The following SLC2A4 variants were observed in gnomAD, a reference collection of about 807,000 sequenced individuals.
SLC2A4 encodes the protein solute carrier family 2 member 4.
SLC2A4 carries 31 observed loss-of-function variants against 53.3 expected under a neutral mutation model. The observed-to-expected ratio is 0.58, with a 90% CI of 0.44 to 0.78. The LOEUF (loss-of-function observed/expected upper bound fraction) is 0.78. Ranked by LOEUF, SLC2A4 falls within the 30% of genes least tolerant of loss-of-function variation. SLC2A4 has a pLI of 0.00. For missense variants in SLC2A4, 538 were observed against 655.7 expected (o/e 0.82, Z 1.96); for synonymous variants, 276 against 281.9 (o/e 0.98, Z 0.21).
chr17:7,285,232 G>C lies in SLC2A4; in HGVS notation c.1122+43G>C. 1.3e-6 allele frequency: 2 copies of C among 1,489,716 alleles called. No homozygotes were observed. Among genetic ancestry groups the C allele is most frequent in the East Asian group, 4.7e-5 (2 of 42,756 alleles). 92.3% of individuals were successfully genotyped at this position (1,489,716 alleles called of 1,614,324 possible). A position where few individuals can be genotyped will look rare whatever the true frequency, so the allele number is the denominator to read the frequency against. On this transcript the variant is annotated intron_variant, in intron 9 of 10. Coordinates refer to ENST00000317370, the MANE Select transcript of SLC2A4 (RefSeq NM_001042.3). The surrounding 1 kb of genome is among the most constrained non-coding windows in gnomAD (Gnocchi z 6.0). ...GGAGGGGCTAGCAGCCCACCCCATG[G>C]GAATGGTCCTGTGAGTCTCTGTGAC...
rs1302349774 is a variant in SLC2A4 at position 7,286,568 on chromosome 17, T to C, written c.1469T>C (p.Leu490Ser). ...SAAFHRTPSL[L>S]EQEVKPSTEL... ...GCCTTCCACCGGACACCCTCTCTTT[T>C]AGAGCAGGAGGTGAAACCCAGCACA... Residue 490 changes from leucine to serine, a missense_variant, in exon 11 of 11, where the codon TTA becomes TCA. Physicochemically the swap from Leu to Ser is moderately radical, Grantham distance 145. Coordinates refer to ENST00000317370, the MANE Select transcript of SLC2A4 (RefSeq NM_001042.3). 12 of 1,614,158 alleles carry C rather than the reference T, an allele frequency of 7.4e-6. No individual in the cohort carries two copies. The highest frequency in any genetic ancestry group is 1.0e-5 in the Non-Finnish European group (12 of 1,180,024).
chr17:7,286,916 C>T lies in SLC2A4; in HGVS notation c.*287C>T. 1 of 424,888 alleles carries T rather than the reference C, an allele frequency of 2.4e-6. No homozygotes were observed. Among genetic ancestry groups the T allele is most frequent in the South Asian group, 2.1e-5 (1 of 46,654 alleles). 26.3% of individuals were successfully genotyped at this position (424,888 alleles called of 1,614,324 possible). On this transcript the variant is annotated 3_prime_UTR_variant, in exon 11 of 11. Coordinates refer to ENST00000317370, the MANE Select transcript of SLC2A4 (RefSeq NM_001042.3). ...CCATCCCCTTTCCTCCCCACCTTCC[C>T]CAGACTCAGCTCCAGAATACCTTCT... is the stretch of plus-strand genomic sequence containing the variant.
rs1362782572 is a variant in SLC2A4, at chr17:7,285,107, C to CG, written c.1044dup (p.Arg349AlafsTer48). On this transcript the variant is annotated frameshift_variant, in exon 9 of 11. Transcript: ENST00000317370. LOFTEE classifies it high-confidence loss of function. The surrounding 1 kb of genome is among the most constrained non-coding windows in gnomAD (Gnocchi z 6.0). Reference sequence around the variant, plus strand: ...CCGCAGGTGTTGTTGGTGGAGCGGGCGGGGCGCCGGACGCTCCATCTCCTG... The same window carrying CG: ...CCGCAGGTGTTGTTGGTGGAGCGGGCGGGGGCGCCGGACGCTCCATCTCCTG... The CG allele has an allele frequency of 6.2e-7, 1 of 1,604,114 alleles. No homozygotes were observed. Among genetic ancestry groups the CG allele is most frequent in the Non-Finnish European group, 8.5e-7 (1 of 1,176,738 alleles).
rs917964914 is a variant in SLC2A4 at position 7,287,834 on chromosome 17, G to A, written c.*1205G>A. On this transcript the variant is annotated 3_prime_UTR_variant, in exon 11 of 11. Transcript: ENST00000317370. ...TCTATAAAGTCACTGCTGAAGACAA[G>A]CATCCTATTGTGGAGGTACTTGAGG... 2 of 152,168 alleles carry A rather than the reference G, an allele frequency of 1.3e-5. No homozygotes were observed. The highest frequency in any genetic ancestry group is 2.9e-5 in the Non-Finnish European group (2 of 68,034). The allele number at this position is 152,168 out of a possible 1,614,324, so 9.4% of individuals were successfully genotyped here.
rs370389410 is a variant in SLC2A4 at position 7,285,107 on chromosome 17, C to T, written c.1040C>T (p.Ala347Val). The change falls in exon 9 of 11, where the codon GCG (alanine) becomes GTG (valine). Residue 347 changes from alanine (A) to valine (V), a missense_variant. Transcript: ENST00000317370. This position sits in a 1 kb window ranked among gnomAD's most constrained non-coding sequence, Gnocchi z 6.0. The stretch of plus-strand genomic sequence containing the variant: ...CCGCAGGTGTTGTTGGTGGAGCGGG[C>T]GGGGCGCCGGACGCTCCATCTCCTG... The part of the protein sequence containing the change: ...TLVSVLLVER[A>V]GRRTLHLLGL... The T allele has an allele frequency of 6.7e-5, 108 of 1,603,996 alleles. No individual in the cohort carries two copies. Among genetic ancestry groups the T allele is most frequent in the South Asian group, 8.9e-5 (8 of 89,934 alleles).
Position 7,284,107 on chromosome 17 carries a change from C to T in SLC2A4, c.564+18C>T. On this transcript the variant is annotated intron_variant, in intron 5 of 10. Coordinates refer to ENST00000317370, the MANE Select transcript of SLC2A4 (RefSeq NM_001042.3). The surrounding 1 kb of genome is among the most constrained non-coding windows in gnomAD (Gnocchi z 7.5). ...TCGCCCAGGTGACCGGAGCAAGCCT[C>T]ATGGGTGCCTGGGCAGTGGTTAGAG... 1 of 1,612,250 alleles carries T rather than the reference C, an allele frequency of 6.2e-7. No homozygotes were observed. Among genetic ancestry groups the T allele is most frequent in the Non-Finnish European group, 8.5e-7 (1 of 1,178,640 alleles).
In SLC2A4 at chr17:7,284,556, C is replaced by T. The variant is rs920633524; in HGVS notation, c.799C>T (p.Leu267=). 2 of 1,614,248 alleles carry T rather than the reference C, an allele frequency of 1.2e-6. No individual in the cohort carries two copies. Reference sequence around the variant, plus strand: ...TGAGCTGAAGGATGAGAAGCGGAAGCTGGAGCGTGAGCGGCCACTGTCCCT... The same window carrying T: ...TGAGCTGAAGGATGAGAAGCGGAAGTTGGAGCGTGAGCGGCCACTGTCCCT... ...LAELKDEKRK[L]ERERPLSLLQ... Residue 267 remains leucine, a synonymous_variant, in exon 7 of 11, where the codon CTG becomes TTG. Transcript: ENST00000317370. The surrounding 1 kb of genome is among the most constrained non-coding windows in gnomAD (Gnocchi z 7.5).
rs920633524 is a variant in SLC2A4, at chr17:7,284,556, C to G, written c.799C>G (p.Leu267Val). The G allele has an allele frequency of 1.2e-6, 2 of 1,614,248 alleles. No homozygotes were observed. The highest frequency in any genetic ancestry group is 1.1e-5 in the South Asian group (1 of 91,086). Residue 267 changes from leucine to valine, a missense_variant, in exon 7 of 11, where the codon CTG (leucine) becomes GTG (valine). Transcript: ENST00000317370. This position sits in a 1 kb window ranked among gnomAD's most constrained non-coding sequence, Gnocchi z 7.5. ...TGAGCTGAAGGATGAGAAGCGGAAG[C>G]TGGAGCGTGAGCGGCCACTGTCCCT... ...LAELKDEKRKLERERPLSLLQ... is the reference protein window; with the variant it reads ...LAELKDEKRKVERERPLSLLQ...
Position 7,285,193 on chromosome 17 carries a change from A to T in SLC2A4, c.1122+4A>T, listed in dbSNP as rs759192611. ...GACTGTGGCTCTGCTCCTGCTGGTA[A>T]GGCCTGGAGGCTAGGAGGGGCTAGC... On this transcript the variant is annotated splice_donor_region_variant and intron_variant, in intron 9 of 10. Coordinates refer to ENST00000317370, the MANE Select transcript of SLC2A4 (RefSeq NM_001042.3). The surrounding 1 kb of genome is among the most constrained non-coding windows in gnomAD (Gnocchi z 6.0). 1.9e-6 allele frequency: 3 copies of T among 1,589,216 alleles called. 1 individual carries two copies. The South Asian group carries it at 3.4e-5, about 18-fold the overall frequency.
At position 7,284,169 on chromosome 17, in the gene SLC2A4, G is replaced by A. The variant is rs762216315; in HGVS notation, c.565-48G>A. ...AGAATATGGTGGGCTTCCAAGGTAA[G>A]GCAGAAGGGCTGAGTGACCTGCCTT... is the stretch of plus-strand genomic sequence containing the variant. On this transcript the variant is annotated intron_variant, in intron 5 of 10. Transcript: ENST00000317370. This position sits in a 1 kb window ranked among gnomAD's most constrained non-coding sequence, Gnocchi z 7.5. 32 of 1,611,276 alleles carry A rather than the reference G, an allele frequency of 2.0e-5. No individual in the cohort carries two copies. Among genetic ancestry groups the A allele is most frequent in the Non-Finnish European group, 2.6e-5 (31 of 1,179,622 alleles).
chr17:7,284,728 G>A lies in SLC2A4; in HGVS notation c.915+56G>A. The A allele has an allele frequency of 1.2e-6, 2 of 1,610,684 alleles. No homozygotes were observed. Among genetic ancestry groups the A allele is most frequent in the South Asian group, 1.1e-5 (1 of 90,932 alleles). ...CAGCCCCGGGAGGGTAGACGAGAGT[G>A]GGGAGCAAACCCCCTCCACCAACAC... On this transcript the variant is annotated intron_variant, in intron 7 of 10. Coordinates refer to ENST00000317370, the MANE Select transcript of SLC2A4 (RefSeq NM_001042.3). The surrounding 1 kb of genome is among the most constrained non-coding windows in gnomAD (Gnocchi z 7.5).
rs371111339 is a variant in SLC2A4 at position 7,285,080 on chromosome 17, C to T, written c.1021-8C>T. 3.1e-6 allele frequency: 5 copies of T among 1,606,886 alleles called. No homozygotes were observed. The highest frequency in any genetic ancestry group is 1.7e-5 in the Admixed American group (1 of 58,368). ...AAGGCTGGGGTCAAGCTCCGACTCT[C>T]CCCGCAGGTGTTGTTGGTGGAGCGG... On this transcript the variant is annotated splice_polypyrimidine_tract_variant and splice_region_variant and intron_variant, in intron 8 of 10. Coordinates refer to ENST00000317370, the MANE Select transcript of SLC2A4 (RefSeq NM_001042.3). This position sits in a 1 kb window ranked among gnomAD's most constrained non-coding sequence, Gnocchi z 6.0.
At position 7,282,907 on chromosome 17, in the gene SLC2A4, G is replaced by A. The variant is rs925824113; in HGVS notation, c.34-338G>A. 14 of 390,728 alleles carry A rather than the reference G, an allele frequency of 3.6e-5. No homozygotes were observed. The highest frequency in any genetic ancestry group is 6.4e-5 in the Non-Finnish European group (13 of 204,426). 24.2% of individuals were successfully genotyped at this position (390,728 alleles called of 1,614,324 possible). ...ACCCCCATCTCACAGAGGACACTCAGGTTCGGGGCAGGGAAGTGACTTGGC... is the reference window on the plus strand; with the variant it reads ...ACCCCCATCTCACAGAGGACACTCAAGTTCGGGGCAGGGAAGTGACTTGGC... On this transcript the variant is annotated intron_variant, in intron 1 of 10. Transcript: ENST00000317370. The surrounding 1 kb of genome is among the most constrained non-coding windows in gnomAD (Gnocchi z 4.1).
chr17:7,286,831 T>C lies in SLC2A4; in HGVS notation c.*202T>C, dbSNP rs538698795. The C allele has an allele frequency of 5.1e-6, 3 of 589,990 alleles. No homozygotes were observed. The African/African-American group carries it at 5.6e-5, about 11-fold the overall frequency. 36.5% of individuals were successfully genotyped at this position (589,990 alleles called of 1,614,324 possible). ...TCGTGTGACTCTCTTGGATTATTTA[T>C]GTGTTGTGGTTTGGCCGTGGCCATC... On this transcript the variant is annotated 3_prime_UTR_variant, in exon 11 of 11. Transcript: ENST00000317370.
Position 7,283,616 on chromosome 17 carries a change from C to T in SLC2A4, c.294C>T (p.Leu98=), listed in dbSNP as rs764280997. 3 of 1,613,926 alleles carry T rather than the reference C, an allele frequency of 1.9e-6. No individual in the cohort carries two copies. The highest frequency in any genetic ancestry group is 2.2e-5 in the East Asian group (1 of 44,892). ...FSVGGMISSF[L]IGIISQWLGR... ...TGGGCGGCATGATTTCCTCCTTCCT[C>T]ATTGGTATCATCTCTCAGTGGCTTG... The change falls in exon 3 of 11, where the codon CTC becomes CTT. Residue 98 remains leucine, a synonymous_variant. Transcript: ENST00000317370. The surrounding 1 kb of genome is among the most constrained non-coding windows in gnomAD (Gnocchi z 5.8).
Position 7,284,436 on chromosome 17 carries a change from C to T in SLC2A4, c.728-49C>T. 3.7e-6 allele frequency: 6 copies of T among 1,614,030 alleles called. No homozygotes were observed. The highest frequency in any genetic ancestry group is 5.1e-6 in the Non-Finnish European group (6 of 1,179,880). On this transcript the variant is annotated intron_variant, in intron 6 of 10. Coordinates refer to ENST00000317370, the MANE Select transcript of SLC2A4 (RefSeq NM_001042.3). The surrounding 1 kb of genome is among the most constrained non-coding windows in gnomAD (Gnocchi z 7.5). ...CCATGCCTCCGCCTCATCTTGCTAG[C>T]ACCTGGCTTCCTCTCAGGTCCCCTC...
chr17:7,284,290 C>A lies in SLC2A4; in HGVS notation c.638C>A (p.Ala213Asp), dbSNP rs781409090. The change falls in exon 6 of 11, where the codon GCC becomes GAC. Residue 213 changes from alanine to aspartate, a missense_variant. Ala to Asp is a moderately radical substitution (Grantham distance 126). Coordinates refer to ENST00000317370, the MANE Select transcript of SLC2A4 (RefSeq NM_001042.3). The surrounding 1 kb of genome is among the most constrained non-coding windows in gnomAD (Gnocchi z 7.5). ...CTCCTGGGCCTCACAGTGCTACCTG[C>A]CCTCCTGCAGCTGGTCCTGCTGCCC... ...PLLLGLTVLPALLQLVLLPFC... is the reference protein window; with the variant it reads ...PLLLGLTVLPDLLQLVLLPFC... 6.2e-7 allele frequency: 1 copy of A among 1,614,102 alleles called. No individual in the cohort carries two copies. The highest frequency in any genetic ancestry group is 2.2e-5 in the East Asian group (1 of 44,888).
rs768540112 is a variant in SLC2A4, at chr17:7,285,739, T to C, written c.1157T>C (p.Val386Ala). 6.2e-7 allele frequency: 1 copy of C among 1,614,242 alleles called. No individual in the cohort carries two copies. The highest frequency in any genetic ancestry group is 8.5e-7 in the Non-Finnish European group (1 of 1,180,044). Reference protein sequence around the residue: ...RVPAMSYVSIVAIFGFVAFFE... With the variant: ...RVPAMSYVSIAAIFGFVAFFE... ...CCAGCCATGAGCTACGTCTCCATTGTGGCCATCTTTGGCTTCGTGGCATTT... is the reference window on the plus strand; with the variant it reads ...CCAGCCATGAGCTACGTCTCCATTGCGGCCATCTTTGGCTTCGTGGCATTT... Residue 386 changes from valine (V) to alanine (A), a missense_variant, in exon 10 of 11, where the codon GTG becomes GCG. Val to Ala is a moderately conservative substitution (Grantham distance 64). Coordinates refer to ENST00000317370, the MANE Select transcript of SLC2A4 (RefSeq NM_001042.3). The surrounding 1 kb of genome is among the most constrained non-coding windows in gnomAD (Gnocchi z 6.0).
At position 7,284,713 on chromosome 17, in the gene SLC2A4, AG is replaced by A. The variant is rs1567602325; in HGVS notation, c.915+44del. The A allele has an allele frequency of 1.9e-6, 3 of 1,612,172 alleles. No homozygotes were observed. The highest frequency in any genetic ancestry group is 1.7e-6 in the Non-Finnish European group (2 of 1,178,480). On this transcript the variant is annotated intron_variant, in intron 7 of 10. Coordinates refer to ENST00000317370, the MANE Select transcript of SLC2A4 (RefSeq NM_001042.3). This position sits in a 1 kb window ranked among gnomAD's most constrained non-coding sequence, Gnocchi z 7.5. ...CCTCCAGGCAGGGCACAGCCCCGGG[AG>A]GGTAGACGAGAGTGGGGAGCAAACC...
Sources: gnomAD v4.1 joint callset for allele counts on GRCh38, gnomAD v4.1.1 for gene constraint, Gnocchi (gnomAD v3.1) non-coding constraint, MANE v1.5 for transcripts, NCBI Gene and HGNC (gene_info 2026-07-23, HGNC 2026-07-21) for gene names.